DACT3: variants seen among roughly 807,000 people sequenced by gnomAD.
DACT3 encodes the protein dapper homolog 3.
In DACT3, 5 loss-of-function variants were observed where a neutral mutation model predicts 19.6. The ratio of observed to expected loss-of-function variants is 0.26; its 90% CI spans 0.13 to 0.54. The LOEUF (loss-of-function observed/expected upper bound fraction) is 0.54. Among genes scored for constraint, DACT3 ranks in the 20% least tolerant of loss-of-function variants. The pLI is 0.95. For synonymous variants in DACT3, 454 were observed against 428.1 expected, an observed-to-expected ratio of 1.06 and a Z score of -0.75; for missense variants, 908 against 927.4, an observed-to-expected ratio of 0.98 and a Z score of 0.27.
rs971868019 is a variant in DACT3, at chr19:46,660,613, T to C, written c.249+203A>G. Among the ~76,000 whole-genome samples the C allele has an allele frequency of 2.0e-5, 3 of 152,076 alleles. No individual in the cohort carries two copies. The highest frequency in any genetic ancestry group is 7.2e-5 in the African/African-American group (3 of 41,414). ...TCTCACGAGGCCCCAGTGGGGGCGA[T>C]GCAGTTCCCCCTCCCCCGATTTGGG... On this transcript the variant is annotated intron_variant, in intron 1 of 3. Transcript: ENST00000391916. The surrounding 1 kb of genome is among the most constrained non-coding windows in gnomAD (Gnocchi z 4.9).
rs1287334960 is a variant in DACT3, at chr19:46,661,182, T to C, written c.-118A>G. The C allele has an allele frequency of 8.8e-7, 1 of 1,133,076 alleles. No homozygotes were observed. The highest frequency in any genetic ancestry group is 1.1e-6 in the Non-Finnish European group (1 of 873,332). 70.2% of individuals were successfully genotyped at this position (1,133,076 alleles called of 1,614,324 possible). ...CTGGCCGGGCTGTCACCGTCTCATCTGCATAGGCGCCCGCCCATTGGGCCG... is the reference window on the plus strand; with the variant it reads ...CTGGCCGGGCTGTCACCGTCTCATCCGCATAGGCGCCCGCCCATTGGGCCG... On this transcript the variant is annotated 5_prime_UTR_variant, in exon 1 of 4. Transcript: ENST00000391916.
At chr19:46,652,566 A>G (rs758563332) in intron 3 of DACT3, 94 bp downstream of exon 3, 3 of 1,318,616 alleles carry the variant, frequency 2.3e-6, no homozygotes, top group Non-Finnish European at 3.1e-6. Context: ...CACAGCTGGA[A>G]TTGGAATCCA....
chr19:46,658,558 C>T (rs528890376), intron 1 of DACT3, among the ~76,000 whole-genome samples: 1 of 152,128 alleles, frequency 6.6e-6, no homozygotes, highest in African/African-American at 2.4e-5. Context: ...AGACGCCCCC[C>T]AAAAATATTC....
rs182433987 is a variant in DACT3 at position 46,656,723 on chromosome 19, G to A, written c.250-3648C>T. On this transcript the variant is annotated intron_variant, in intron 1 of 3. Transcript: ENST00000391916. ...TGGAATACTATACAGCTGTTAAAAC[G>A]GAATGAGTCAAATTTCTATATAGAA... Among the ~76,000 whole-genome samples the A allele has an allele frequency of 2.0e-3, 312 of 152,212 alleles. 1 individual carries two copies. Among genetic ancestry groups the A allele is most frequent in the Non-Finnish European group, 3.7e-3 (250 of 68,020 alleles).
At chr19:46,659,162 C>T in intron 1 of DACT3, 1 of 985,132 alleles carries the variant, frequency 1.0e-6, no homozygotes, top group Non-Finnish European at 1.2e-6. Context: ...ATATTTAGCG[C>T]TTCTCTGCTC....
rs769273593 is a variant in DACT3 at position 46,648,723 on chromosome 19, G to A, written c.1649C>T (p.Ser550Leu). 1.2e-6 allele frequency: 2 copies of A among 1,603,862 alleles called. No homozygotes were observed. The highest frequency in any genetic ancestry group is 1.7e-5 in the Admixed American group (1 of 59,172). The part of the protein sequence containing the change: ...GVGGGYGESE[S>L]SASEGESPAF... ...AGGCGATTCTCCCTCGCTGGCGCTC[G>A]ATTCGCTCTCCCCGTAACCCCCGCC... The change falls in exon 4 of 4, where the codon TCG (serine) becomes TTG (leucine). Residue 550 changes from serine to leucine, a missense_variant. Physicochemically the swap from Ser to Leu is moderately radical, Grantham distance 145. Transcript: ENST00000391916. The surrounding 1 kb of genome is among the most constrained non-coding windows in gnomAD (Gnocchi z 5.1).
At chr19:46,653,711 G>A (rs1273090260) in intron 1 of DACT3, among the ~76,000 whole-genome samples, 7 of 151,796 alleles carry the variant, frequency 4.6e-5, no homozygotes. Context: ...CCGCCACCAC[G>A]CCCAGATAAT....
intron 3 of DACT3, chr19:46,651,680 GT>G (rs2052986715): frequency 6.5e-6 from 1 of 153,236 alleles, no homozygotes; most frequent in Non-Finnish European, 1.4e-5. Flanking sequence ...GTGTGTGTGT[GT>G]GTGTGTGTGT....
At chr19:46,655,141 T>G in intron 1 of DACT3, 1 of 765,860 alleles carries the variant, frequency 1.3e-6, no homozygotes, top group Non-Finnish European at 1.6e-6. Context: ...CCCTCGAACA[T>G]ACCATGTATG....
chr19:46,655,901 G>GTCTCTCTC (rs140521907), intron 1 of DACT3, among the ~76,000 whole-genome samples: 2,712 of 131,676 alleles, frequency 0.021, 90 homozygotes, highest in African/African-American at 0.067. Flanking sequence ...GTGAGACCCA[G>GTCTCTCTC]TCTCTCTCTC....
At chr19:46,655,960 TATATATATACACAC>T (rs1259080249) in intron 1 of DACT3, among the ~76,000 whole-genome samples, 1 of 150,062 alleles carries the variant, frequency 6.7e-6, no homozygotes, top group Non-Finnish European at 1.5e-5. Flanking sequence ...CAAACACACA[TATATATATACACAC>T]ATATATATAC....
rs1280752955 is a variant in DACT3 at position 46,660,981 on chromosome 19, G to A, written c.84C>T (p.Cys28=). ...GCCTCTCCCGGAGCCAATGTAACTC[G>A]CAGAGCCCGGCCAGGCTACCCTCCA... ...GWLEGSLAGL[C]ELHWLRERQE... is the part of the protein sequence containing the mutation. The change falls in exon 1 of 4, where the codon TGC becomes TGT. Residue 28 remains cysteine, a synonymous_variant. Transcript: ENST00000391916. This position sits in a 1 kb window ranked among gnomAD's most constrained non-coding sequence, Gnocchi z 4.9. 2 of 1,539,070 alleles carry A rather than the reference G, an allele frequency of 1.3e-6. No individual in the cohort carries two copies. The highest frequency in any genetic ancestry group is 2.5e-5 in the East Asian group (1 of 40,486).
chr19:46,661,050 G>A lies in DACT3; in HGVS notation c.15C>T (p.Phe5=). 1.3e-6 allele frequency: 2 copies of A among 1,507,238 alleles called. No individual in the cohort carries two copies. The highest frequency in any genetic ancestry group is 1.8e-6 in the Non-Finnish European group (2 of 1,134,644). The allele number at this position is 1,507,238 out of a possible 1,614,324, so 93.4% of individuals were successfully genotyped here. A position where few individuals can be genotyped will look rare whatever the true frequency, so the allele number is the denominator to read the frequency against. The change falls in exon 1 of 4, where the codon TTC becomes TTT. Residue 5 remains phenylalanine, a synonymous_variant. Transcript: ENST00000391916. Reference sequence around the variant, plus strand: ...CCCGCTCAGGGCTCACCGGGAACGAGAAGGCCCGGATCATGGCTGCGGCCC... The same window carrying A: ...CCCGCTCAGGGCTCACCGGGAACGAAAAGGCCCGGATCATGGCTGCGGCCC... The part of the protein sequence containing the change: MIRA[F]SFPVSPERGR...
In DACT3 at chr19:46,660,708, A is replaced by C; in HGVS notation, c.249+108T>G. On this transcript the variant is annotated intron_variant, in intron 1 of 3. Transcript: ENST00000391916. The surrounding 1 kb of genome is among the most constrained non-coding windows in gnomAD (Gnocchi z 4.9). Reference sequence around the variant, plus strand: ...CCAGCCCCACCCCCTGTCCTTTCTCACTCCCTGCCTACCCGGGTCCCCAAC... The same window carrying C: ...CCAGCCCCACCCCCTGTCCTTTCTCCCTCCCTGCCTACCCGGGTCCCCAAC... The C allele has an allele frequency of 2.2e-6, 3 of 1,384,896 alleles. No individual in the cohort carries two copies. The highest frequency in any genetic ancestry group is 1.9e-6 in the Non-Finnish European group (2 of 1,075,324). The allele number at this position is 1,384,896 out of a possible 1,614,324, so 85.8% of individuals were successfully genotyped here. A position where few individuals can be genotyped will look rare whatever the true frequency, so the allele number is the denominator to read the frequency against.
chr19:46,653,797 A>T (rs1269504493), intron 1 of DACT3, among the ~76,000 whole-genome samples: 3 of 151,866 alleles, frequency 2.0e-5, no homozygotes, highest in Non-Finnish European at 2.9e-5. Flanking sequence ...CAGGTGATCC[A>T]CCTGCCTCAG....
Position 46,649,741 on chromosome 19 carries a change from G to C in DACT3, c.631C>G (p.Arg211Gly). The C allele has an allele frequency of 7.9e-7, 1 of 1,268,446 alleles. No homozygotes were observed. Among genetic ancestry groups the C allele is most frequent in the South Asian group, 2.5e-5 (1 of 39,666 alleles). The allele number at this position is 1,268,446 out of a possible 1,614,324, so 78.6% of individuals were successfully genotyped here. Residue 211 changes from arginine (R) to glycine (G), a missense_variant, in exon 4 of 4, where the codon CGC (arginine) becomes GGC (glycine). Arg to Gly is a moderately radical substitution (Grantham distance 125). Coordinates refer to ENST00000391916, the MANE Select transcript of DACT3 (RefSeq NM_145056.3). Reference protein sequence around the residue: ...EACSSAERRARAGPFLTPSPL... With the variant: ...EACSSAERRAGAGPFLTPSPL... Reference sequence around the variant, plus strand: ...CTGGGCGTCAGAAAGGGCCCGGCGCGGGCCCGCCGCTCCGCCGAGGAGCAG... The same window carrying C: ...CTGGGCGTCAGAAAGGGCCCGGCGCCGGCCCGCCGCTCCGCCGAGGAGCAG...
Position 46,648,982 on chromosome 19 carries a change from TG to T in DACT3, c.1389del (p.Thr464ArgfsTer140). 7.8e-7 allele frequency: 1 copy of T among 1,277,926 alleles called. No homozygotes were observed. The highest frequency in any genetic ancestry group is 9.9e-7 in the Non-Finnish European group (1 of 1,014,502). 79.2% of individuals were successfully genotyped at this position (1,277,926 alleles called of 1,614,324 possible). A position where few individuals can be genotyped will look rare whatever the true frequency, so the allele number is the denominator to read the frequency against. On this transcript the variant is annotated frameshift_variant, in exon 4 of 4. Transcript: ENST00000391916. LOFTEE classifies it low-confidence loss of function (END_TRUNC). This position sits in a 1 kb window ranked among gnomAD's most constrained non-coding sequence, Gnocchi z 5.1. ...GACCCTGCGGCCTGGGCCGCCAGCGTGGGCGCTGGGCCGCGGCGTGGCCGTG... is the reference window on the plus strand; with the variant it reads ...GACCCTGCGGCCTGGGCCGCCAGCGTGGCGCTGGGCCGCGGCGTGGCCGTG... ...RPPRPRRGPA[P>X]TLAAQAAGSC...
chr19:46,649,634 C>T lies in DACT3; in HGVS notation c.738G>A (p.Gly246=), dbSNP rs1443039501. The change falls in exon 4 of 4, where the codon GGG becomes GGA. Residue 246 remains glycine (G), a synonymous_variant. Transcript: ENST00000391916. ...PTDSPDAGGA[G]RPLDGYISAL... ...CCGAGATGTAGCCGTCCAGGGGCCG[C>T]CCTGCGCCCCCCGCGTCGGGCGAGT... 3 of 1,137,298 alleles carry T rather than the reference C, an allele frequency of 2.6e-6. No individual in the cohort carries two copies. Among genetic ancestry groups the T allele is most frequent in the Non-Finnish European group, 3.2e-6 (3 of 929,400 alleles). 70.5% of individuals were successfully genotyped at this position (1,137,298 alleles called of 1,614,324 possible). A position where few individuals can be genotyped will look rare whatever the true frequency, so the allele number is the denominator to read the frequency against.
Position 46,648,613 on chromosome 19 carries a change from C to T in DACT3, c.1759G>A (p.Gly587Arg). 1 of 1,613,172 alleles carries T rather than the reference C, an allele frequency of 6.2e-7. No individual in the cohort carries two copies. Among genetic ancestry groups the T allele is most frequent in the African/African-American group, 1.3e-5 (1 of 75,042 alleles). Residue 587 changes from glycine (G) to arginine (R), a missense_variant, in exon 4 of 4, where the codon GGG (glycine) becomes AGG (arginine). This residue lies in a region of DACT3 where 656 missense variants were observed against 601.8 expected (regional missense o/e 1.09). Transcript: ENST00000391916. The surrounding 1 kb of genome is among the most constrained non-coding windows in gnomAD (Gnocchi z 5.1). Reference sequence around the variant, plus strand: ...GGCGCCCCTGCACCTGCTCCACCCCCAGAGGCCGCGGTGGCCGCCACCAGC... The same window carrying T: ...GGCGCCCCTGCACCTGCTCCACCCCTAGAGGCCGCGGTGGCCGCCACCAGC... ...QQLVAATAAS[G>R]GGAGAGAPAG...
Sources: allele counts gnomAD v4.1 joint callset (sites outside exome capture counted in the v4.1 genomes callset), GRCh38; gene constraint gnomAD v4.1.1; regional missense constraint gnomAD v4.1.1; non-coding constraint Gnocchi (gnomAD v3.1); transcripts MANE v1.5; gene names NCBI Gene and HGNC (gene_info 2026-07-23, HGNC 2026-07-21).